The following SIGLEC9 variants were observed in gnomAD, a reference collection of about 807,000 sequenced individuals.
SIGLEC9 encodes sialic acid binding Ig like lectin 9, also known as sialic acid-binding Ig-like lectin 9.
SIGLEC9 carries 26 observed loss-of-function variants against 38.3 expected under a neutral mutation model. The observed-to-expected ratio is 0.68, with a 90% CI of 0.50 to 0.94. The LOEUF (loss-of-function observed/expected upper bound fraction) is 0.94. SIGLEC9 is among the 40% of genes least tolerant of loss of function. SIGLEC9 has a pLI of 0.00. For synonymous variants in SIGLEC9, 236 were observed against 248.0 expected, an observed-to-expected ratio of 0.95 and a Z score of 0.45; for missense variants, 556 against 585.7, an observed-to-expected ratio of 0.95 and a Z score of 0.52.
intron 4 of SIGLEC9, 58 bp from the exon 5 acceptor site, chr19:51,127,891 G>A: frequency 2.0e-6 from 2 of 1,012,916 alleles, no homozygotes; most frequent in Non-Finnish European, 3.1e-6. Flanking sequence ...GGAAGTGGGA[G>A]GAGAAGAGAC....
chr19:51,129,308 G>GCA (rs1568613483), intron 6 of SIGLEC9, among the ~76,000 whole-genome samples: 3 of 148,580 alleles, frequency 2.0e-5, no homozygotes, highest in Non-Finnish European at 3.0e-5. Flanking sequence ...ACAGGCGCCT[G>GCA]CCACCACGCC....
chr19:51,124,836 T>C, upstream of SIGLEC9: 1 of 1,092,796 alleles, frequency 9.2e-7, no homozygotes, highest in Non-Finnish European at 1.3e-6. Context: ...GTAAAGTTCC[T>C]CCTCTGAGGA....
intron 3 of SIGLEC9, among the ~76,000 whole-genome samples, chr19:51,126,578 C>G (rs1339616432): frequency 6.6e-6 from 1 of 152,174 alleles, no homozygotes; most frequent in Non-Finnish European, 1.5e-5. Context: ...CCCTGAGTCT[C>G]GGTTTGTACA....
chr19:51,125,326 T>G lies in SIGLEC9; in HGVS notation c.352T>G (p.Phe118Val). 1 of 1,612,276 alleles carries G rather than the reference T, an allele frequency of 6.2e-7. No individual in the cohort carries two copies. Among genetic ancestry groups the G allele is most frequent in the Non-Finnish European group, 8.5e-7 (1 of 1,179,046 alleles). The change falls in exon 1 of 7, where the codon TTC (phenylalanine) becomes GTC (valine). Residue 118 changes from phenylalanine to valine, a missense_variant. By Grantham distance (50) the Phe-to-Val change is conservative. Coordinates refer to ENST00000250360, the MANE Select transcript of SIGLEC9 (RefSeq NM_014441.3). ...CAGAAGAAGTGATGCGGGGAGATAC[T>G]TCTTTCGTATGGAGAAAGGAAGTAT... ...DARRSDAGRYFFRMEKGSIKW... is the reference protein window; with the variant it reads ...DARRSDAGRYVFRMEKGSIKW...
rs558155897 is a variant in SIGLEC9, at chr19:51,135,784, T to A, written c.1204-178T>A. Among the ~76,000 whole-genome samples the A allele has an allele frequency of 8.3e-4, 126 of 152,180 alleles. 1 individual carries two copies. The South Asian group carries it at 0.014, about 16-fold the overall frequency. On this transcript the variant is annotated intron_variant, in intron 6 of 6. Coordinates refer to the SIGLEC9 transcript ENST00000440804. ...TTGTCATTTTTTTTAATTCTTTTTT[T>A]AAAAATTTTTGTCTGATTGGGTTGA...
chr19:51,123,981 G>A (rs1260295241), upstream of SIGLEC9, among the ~76,000 whole-genome samples: 2 of 152,274 alleles, frequency 1.3e-5, no homozygotes, highest in African/African-American at 4.8e-5. Flanking sequence ...CACATCTCCT[G>A]TTCACCGGGA....
At position 51,128,022 on chromosome 19, in the gene SIGLEC9, C is replaced by T; in HGVS notation, c.1089C>T (p.Phe363=). The change falls in exon 5 of 7, where the codon TTC becomes TTT. Residue 363 remains phenylalanine (F), a synonymous_variant. Transcript: ENST00000250360. ...CCACAGCCCTGGTCTTCCTGTCCTT[C>T]TGCGTCATCTTCGTTGTGTAAGCAT... The part of the protein sequence containing the change: ...AGATALVFLS[F]CVIFVVVRSC... 1 of 1,613,714 alleles carries T rather than the reference C, an allele frequency of 6.2e-7. No homozygotes were observed. The highest frequency in any genetic ancestry group is 8.5e-7 in the Non-Finnish European group (1 of 1,179,626).
At chr19:51,130,403 T>C (rs1568003), downstream of SIGLEC9, 132,234 of 212,546 alleles carry the variant, frequency 0.62, 42,157 homozygotes, top group African/African-American at 0.82. Flanking sequence ...CACATCCCGT[T>C]AGAGCTCCTG....
upstream of SIGLEC9, among the ~76,000 whole-genome samples, chr19:51,121,992 G>C (rs1287329956): frequency 1.3e-5 from 2 of 151,540 alleles, no homozygotes; most frequent in Admixed American, 6.6e-5. Flanking sequence ...CCTGTACCCA[G>C]TACCAGCCCC....
downstream of SIGLEC9, among the ~76,000 whole-genome samples, chr19:51,134,910 G>A (rs957016000): frequency 6.6e-6 from 1 of 152,142 alleles, no homozygotes; most frequent in Non-Finnish European, 1.5e-5. Flanking sequence ...GACCAAACTG[G>A]ACTAGAGTAA....
At chr19:51,122,042 C>T (rs935037983), upstream of SIGLEC9, among the ~76,000 whole-genome samples, 4 of 152,098 alleles carry the variant, frequency 2.6e-5, no homozygotes, top group African/African-American at 9.7e-5. The surrounding 1 kb of genome is among the most constrained non-coding windows in gnomAD (Gnocchi z 4.1). Flanking sequence ...CTCCTCGGCA[C>T]CCTCAGTCTA....
At chr19:51,123,561 C>T (rs1031332470), upstream of SIGLEC9, among the ~76,000 whole-genome samples, 2 of 152,316 alleles carry the variant, frequency 1.3e-5, no homozygotes, top group East Asian at 3.9e-4. Flanking sequence ...GCAACGTGCA[C>T]AGATGATAAA....
downstream of SIGLEC9, among the ~76,000 whole-genome samples, chr19:51,134,147 CTTTTTTTTTTTTTTTTTT>C (rs71185802): frequency 3.0e-5 from 2 of 66,506 alleles, no homozygotes; most frequent in Non-Finnish European, 5.3e-5. Context: ...TCTTTCTTTT[CTTTTTTTTTTTTTTTTTT>C]TTTTTTTTTG....
At position 51,136,060 on chromosome 19, in the gene SIGLEC9, CTA is replaced by C. The variant is rs1312499584; in HGVS notation, c.1304_1305del (p.Tyr435CysfsTer11). 3 of 703,710 alleles carry C rather than the reference CTA, an allele frequency of 4.3e-6. No individual in the cohort carries two copies. The East Asian group carries it at 8.0e-5, about 19-fold the overall frequency. The allele number at this position is 703,710 out of a possible 1,614,324, so 43.6% of individuals were successfully genotyped here. A position where few individuals can be genotyped will look rare whatever the true frequency, so the allele number is the denominator to read the frequency against. ...TTTGTTGCCATCCAGATTCTGAATT[CTA>C]TGTCTATCATTTCAGTCATTTCAGA... On this transcript the variant is annotated frameshift_variant, in exon 7 of 7. Coordinates refer to the SIGLEC9 transcript ENST00000440804. LOFTEE classifies it high-confidence loss of function.
downstream of SIGLEC9, among the ~76,000 whole-genome samples, chr19:51,133,393 T>G (rs1229504478): frequency 6.9e-6 from 1 of 145,200 alleles, no homozygotes; most frequent in Non-Finnish European, 1.5e-5. Flanking sequence ...GATAACATGG[T>G]GAAACACCAT....
Position 51,126,200 on chromosome 19 carries a change from C to T in SIGLEC9, c.748+72C>T, listed in dbSNP as rs1368486419. The T allele has an allele frequency of 2.8e-6, 4 of 1,423,354 alleles. No homozygotes were observed. The African/African-American group carries it at 5.6e-5, about 20-fold the overall frequency. The allele number at this position is 1,423,354 out of a possible 1,614,324, so 88.2% of individuals were successfully genotyped here. ...GTCAGGATGGGGCTGGCTTATTCCT[C>T]AACCTGGACTCACTTTGGCAAACAG... On this transcript the variant is annotated intron_variant, in intron 3 of 6. Coordinates refer to ENST00000250360, the MANE Select transcript of SIGLEC9 (RefSeq NM_014441.3).
At position 51,125,250 on chromosome 19, in the gene SIGLEC9, C is replaced by T. The variant is rs1568610479; in HGVS notation, c.276C>T (p.His92=). The T allele has an allele frequency of 1.9e-6, 3 of 1,614,112 alleles. No individual in the cohort carries two copies. Among genetic ancestry groups the T allele is most frequent in the Non-Finnish European group, 2.5e-6 (3 of 1,179,990 alleles). ...AVWEETRDRF[H]LLGDPHTKNC... is the part of the protein sequence containing the mutation. ...GGGAGGAGACTCGGGACCGATTCCA[C>T]CTCCTTGGGGACCCACATACCAAGA... Residue 92 remains histidine, a synonymous_variant, in exon 1 of 7, where the codon CAC becomes CAT. Transcript: ENST00000250360.
downstream of SIGLEC9, among the ~76,000 whole-genome samples, chr19:51,132,211 T>C (rs544218797): frequency 2.1e-4 from 32 of 152,346 alleles, no homozygotes; most frequent in African/African-American, 6.0e-4. Context: ...ACATGCAGAC[T>C]TCCTTTTGCC....
upstream of SIGLEC9, among the ~76,000 whole-genome samples, chr19:51,121,567 CAGGCCCTTTGCT>C (rs1259904673): frequency 6.6e-6 from 1 of 151,044 alleles, no homozygotes; most frequent in African/African-American, 2.4e-5. Context: ...TCAGCATGAC[CAGGCCCTTTGCT>C]GTCTTTTTTT....
Sources: gnomAD v4.1 joint callset for allele counts (sites outside exome capture counted in the v4.1 genomes callset) on GRCh38, gnomAD v4.1.1 for gene constraint, Gnocchi (gnomAD v3.1) non-coding constraint, MANE v1.5 for transcripts, NCBI Gene and HGNC (gene_info 2026-07-23, HGNC 2026-07-21) for gene names.